Variants in TMEM132D observed in about 807,000 individuals in gnomAD.
TMEM132D encodes the protein transmembrane protein 132D.
A neutral mutation model predicts 62.3 loss-of-function variants in TMEM132D; 21 were observed. The ratio of observed to expected loss-of-function variants is 0.34; its 90% confidence interval spans 0.24 to 0.49. The LOEUF is 0.49. Among genes scored for constraint, TMEM132D ranks in the 20% least tolerant of loss-of-function variants. The pLI, the probability that TMEM132D is intolerant of heterozygous loss-of-function variation, is 0.99. For synonymous variants in TMEM132D, 621 were observed against 575.6 expected, an observed-to-expected ratio of 1.08 and a Z score of -1.13; for missense variants, 1,346 against 1,402.8, an observed-to-expected ratio of 0.96 and a Z score of 0.65.
chr12:129,103,561 T>G (rs1875386324), intron 5 of TMEM132D, among the ~76,000 whole-genome samples: 1 of 152,228 alleles, frequency 6.6e-6, no homozygotes, highest in African/African-American at 2.4e-5. Flanking sequence ...GGATGATGGC[T>G]GCTTTATGCA....
At chr12:129,377,864 G>A (rs955302292) in intron 3 of TMEM132D, among the ~76,000 whole-genome samples, 1 of 152,132 alleles carries the variant, frequency 6.6e-6, no homozygotes, top group Non-Finnish European at 1.5e-5. Context: ...ACACCCTTAA[G>A]TAATTATTTT....
intron 2 of TMEM132D, among the ~76,000 whole-genome samples, chr12:129,665,476 T>G (rs1376822115): frequency 6.6e-6 from 1 of 151,464 alleles, no homozygotes; most frequent in African/African-American, 2.4e-5. Flanking sequence ...TTGCGGAAAA[T>G]TAAAACTAGG....
chr12:129,336,252 T>G (rs1593341713), intron 4 of TMEM132D, among the ~76,000 whole-genome samples: 1 of 152,182 alleles, frequency 6.6e-6, no homozygotes, highest in African/African-American at 2.4e-5. Flanking sequence ...ACTGAGATTT[T>G]TGTTTCTAGC....
At position 129,751,554 on chromosome 12, in the gene TMEM132D, G is replaced by C. The variant is rs550235637; in HGVS notation, c.80-50856C>G. ...GCTCCCTGCATCCACCAGAGTCCCA[G>C]AAAGCACTGACTCAGGACCCTGCCC... is the stretch of plus-strand genomic sequence containing the variant. On this transcript the variant is annotated intron_variant, in intron 1 of 8. Transcript: ENST00000422113. Among the ~76,000 whole-genome samples, 155 of 145,326 alleles carry C rather than the reference G, an allele frequency of 1.1e-3. 1 individual carries two copies. Among genetic ancestry groups the C allele is most frequent in the African/African-American group, 3.7e-3 (146 of 39,822 alleles).
At chr12:129,497,277 C>A (rs528287823) in intron 3 of TMEM132D, among the ~76,000 whole-genome samples, 6 of 152,004 alleles carry the variant, frequency 3.9e-5, no homozygotes, top group Admixed American at 2.6e-4. Flanking sequence ...TACTGCATTC[C>A]GGCCTGGGCA....
intron 1 of TMEM132D, among the ~76,000 whole-genome samples, chr12:129,766,435 A>G (rs1870556812): frequency 6.6e-6 from 1 of 152,202 alleles, no homozygotes; most frequent in African/African-American, 2.4e-5. Context: ...GCATAGTCTA[A>G]TAGTGTTAAG....
intron 2 of TMEM132D, among the ~76,000 whole-genome samples, chr12:129,686,607 T>C (rs1479947937): frequency 1.3e-5 from 2 of 152,178 alleles, no homozygotes; most frequent in African/African-American, 4.8e-5. Context: ...AAATTCCTTT[T>C]ATAAAAACAG....
intron 4 of TMEM132D, among the ~76,000 whole-genome samples, chr12:129,241,437 T>C (rs558843616): frequency 6.6e-6 from 1 of 152,318 alleles, no homozygotes; most frequent in African/African-American, 2.4e-5. Context: ...CTCTCTTCTT[T>C]GGCCCCACCG....
intron 5 of TMEM132D, among the ~76,000 whole-genome samples, chr12:129,169,587 A>T (rs1877663707): frequency 6.6e-6 from 1 of 152,214 alleles, no homozygotes; most frequent in African/African-American, 2.4e-5. Context: ...TGCATCTTAA[A>T]TGACACATTC....
At chr12:129,874,302 C>T (rs1374751979) in intron 1 of TMEM132D, among the ~76,000 whole-genome samples, 4 of 152,034 alleles carry the variant, frequency 2.6e-5, no homozygotes, top group Non-Finnish European at 5.9e-5. Context: ...AAAAATAAAT[C>T]GGGAGGCTGA....
chr12:129,166,156 A>C lies in TMEM132D; in HGVS notation c.1443+43364T>G, dbSNP rs554305882. Among the ~76,000 whole-genome samples, 15 of 152,302 alleles carry C rather than the reference A, an allele frequency of 9.8e-5. No homozygotes were observed. The South Asian group carries it at 2.9e-3, about 29-fold the overall frequency. On this transcript the variant is annotated intron_variant, in intron 5 of 8. Coordinates refer to ENST00000422113, the MANE Select transcript of TMEM132D (RefSeq NM_133448.3). ...TTTTCACAGCAGGCACCACAAACTC[A>C]AATGCCCACAGGGCTTAGGCAGGTA...
At chr12:129,517,928 T>C (rs557936513) in intron 3 of TMEM132D, among the ~76,000 whole-genome samples, 1 of 152,190 alleles carries the variant, frequency 6.6e-6, no homozygotes, top group Non-Finnish European at 1.5e-5. Flanking sequence ...CTTAGTTTCT[T>C]TGTATTATTT....
intron 4 of TMEM132D, among the ~76,000 whole-genome samples, chr12:129,257,489 G>A (rs865812983): frequency 2.0e-5 from 3 of 152,162 alleles, no homozygotes; most frequent in African/African-American, 4.8e-5. Flanking sequence ...GATTACAGGC[G>A]TGAGCCACTG....
At chr12:129,269,520 C>T (rs543170600) in intron 4 of TMEM132D, among the ~76,000 whole-genome samples, 7 of 152,192 alleles carry the variant, frequency 4.6e-5, no homozygotes, top group African/African-American at 4.8e-5. Flanking sequence ...GGCACATAGA[C>T]GCTCAATAAG....
At chr12:129,733,393 C>G (rs1321318459) in intron 1 of TMEM132D, among the ~76,000 whole-genome samples, 1 of 152,156 alleles carries the variant, frequency 6.6e-6, no homozygotes, top group Non-Finnish European at 1.5e-5. Flanking sequence ...CTGATCGCCC[C>G]AGATAAGATC....
intron 2 of TMEM132D, among the ~76,000 whole-genome samples, chr12:129,537,765 C>CCCCATTTT (rs1311827710): frequency 9.9e-5 from 15 of 152,184 alleles, no homozygotes. Context: ...TCTCCACACC[C>CCCCATTTT]CCACAGGGAA....
chr12:129,772,864 G>A (rs1870799690), intron 1 of TMEM132D, among the ~76,000 whole-genome samples: 1 of 152,176 alleles, frequency 6.6e-6, no homozygotes, highest in Non-Finnish European at 1.5e-5. Flanking sequence ...CTCCTGGCTC[G>A]GACTTCCTCC....
At chr12:129,451,701 G>A (rs1228867572) in intron 3 of TMEM132D, among the ~76,000 whole-genome samples, 2 of 152,192 alleles carry the variant, frequency 1.3e-5, no homozygotes, top group African/African-American at 4.8e-5. Flanking sequence ...AAGAAATCCA[G>A]AGAAAAGACA....
intron 2 of TMEM132D, among the ~76,000 whole-genome samples, chr12:129,613,609 T>C (rs1878835440): frequency 6.6e-6 from 1 of 152,234 alleles, no homozygotes; most frequent in Non-Finnish European, 1.5e-5. Context: ...CATACGGATG[T>C]GGCTAGTGGG....
Sources: gnomAD v4.1 joint callset for allele counts (sites outside exome capture counted in the v4.1 genomes callset) on GRCh38, gnomAD v4.1.1 for gene constraint, MANE v1.5 for transcripts, NCBI Gene and HGNC (gene_info 2026-07-23, HGNC 2026-07-21) for gene names.